CRYGS: variants seen among roughly 807,000 people sequenced by gnomAD.
CRYGS encodes crystallin gamma S, also known as gamma-crystallin S.
Under a neutral mutation model 21.3 loss-of-function variants are expected in CRYGS, and 13 were observed. The observed-to-expected ratio is 0.61, with a 90% CI of 0.40 to 0.97. The LOEUF (loss-of-function observed/expected upper bound fraction) is 0.97, where lower values mean the gene tolerates loss of function less well. Ranked by LOEUF, CRYGS falls within the 50% of genes least tolerant of loss-of-function variation. CRYGS has a pLI of 0.00. For synonymous variants in CRYGS, 67 were observed against 75.0 expected, an observed-to-expected ratio of 0.89 and a Z score of 0.55; for missense variants, 205 against 229.7, an observed-to-expected ratio of 0.89 and a Z score of 0.69.
chr3:186,539,239 A>C, intron 2 of CRYGS, 116 bp downstream of exon 2: 24 of 1,422,062 alleles, frequency 1.7e-5, no homozygotes, highest in Non-Finnish European at 2.3e-5. Context: ...CTCAGCAGCC[A>C]ACAAGCAGCT....
intron 1 of CRYGS, chr3:186,539,947 A>C: frequency 3.6e-6 from 1 of 279,546 alleles, no homozygotes; most frequent in Non-Finnish European, 7.0e-6. Flanking sequence ...CTCCCACCAG[A>C]ATCCTAGCAT....
intron 1 of CRYGS, chr3:186,540,717 T>G: frequency 2.1e-6 from 2 of 974,878 alleles, no homozygotes; most frequent in Non-Finnish European, 2.4e-6. Context: ...CTTTATGGAT[T>G]TCACGGGCGA....
chr3:186,538,884 A>C lies in CRYGS; in HGVS notation c.349T>G (p.Ser117Ala), dbSNP rs768626879. 2.5e-6 allele frequency: 4 copies of C among 1,614,016 alleles called. No individual in the cohort carries two copies. Among genetic ancestry groups the C allele is most frequent in the Non-Finnish European group, 3.4e-6 (4 of 1,180,026 alleles). Reference sequence around the variant, plus strand: ...CGCATGTGAAATTGCTCCATGATGGAAGGGCAATCTTCGGTGGTTTCATAC... The same window carrying C: ...CGCATGTGAAATTGCTCCATGATGGCAGGGCAATCTTCGGTGGTTTCATAC... Reference protein sequence around the residue: ...QMYETTEDCPSIMEQFHMREI... With the variant: ...QMYETTEDCPAIMEQFHMREI... Residue 117 changes from serine (S) to alanine (A), a missense_variant, in exon 3 of 3, where the codon TCC becomes GCC. Ser to Ala is a moderately conservative substitution (Grantham distance 99). Transcript: ENST00000307944.
At chr3:186,539,085 TCCCATCTCA>T (rs1713995237) in intron 2 of CRYGS, 117 bp from the exon 3 acceptor site, 1 of 1,269,146 alleles carries the variant, frequency 7.9e-7, no homozygotes, top group African/African-American at 1.5e-5. Flanking sequence ...TGATCTGAAC[TCCCATCTCA>T]CCATGTACTG....
intron 1 of CRYGS, among the ~76,000 whole-genome samples, chr3:186,542,456 A>C (rs1714090955): frequency 6.6e-6 from 1 of 152,228 alleles, no homozygotes; most frequent in Non-Finnish European, 1.5e-5. Flanking sequence ...GTTTTCCTAG[A>C]AATTATTACA....
chr3:186,538,713 G>T lies in CRYGS; in HGVS notation c.520C>A (p.Arg174Ser), dbSNP rs769507700. ...TCATGTCATTACTCCACAATGCGGC[G>T]GAAAGACTGGACAGCTGGGGAGGCT... ...GAASPAVQSF[R>S]RIVE is the part of the protein sequence containing the mutation. The change falls in exon 3 of 3, where the codon CGC becomes AGC. Residue 174 changes from arginine to serine, a missense_variant. Transcript: ENST00000307944. 2.5e-6 allele frequency: 4 copies of T among 1,614,050 alleles called. No homozygotes were observed. The highest frequency in any genetic ancestry group is 2.7e-5 in the African/African-American group (2 of 74,910).
At chr3:186,542,303 A>G (rs1193125378) in intron 1 of CRYGS, among the ~76,000 whole-genome samples, 1 of 152,204 alleles carries the variant, frequency 6.6e-6, no homozygotes, top group Non-Finnish European at 1.5e-5. Flanking sequence ...GACCTTCTAT[A>G]TCTCAGAGCC....
At position 186,539,533 on chromosome 3, in the gene CRYGS, T is replaced by C. The variant is rs2108743607; in HGVS notation, c.86A>G (p.Asp29Gly). 1 of 1,614,078 alleles carries C rather than the reference T, an allele frequency of 6.2e-7. No individual in the cohort carries two copies. Among genetic ancestry groups the C allele is most frequent in the Non-Finnish European group, 8.5e-7 (1 of 1,180,028 alleles). Residue 29 changes from aspartate (D) to glycine (G), a missense_variant, in exon 2 of 3, where the codon GAT (aspartate) becomes GGT (glycine). Coordinates refer to ENST00000307944, the MANE Select transcript of CRYGS (RefSeq NM_017541.4). ...RRYDCDCDCA[D>G]FHTYLSRCNS... ...GCAGCGACTTAGGTATGTGTGGAAA[T>C]CTGCACAGTCGCAATCACAGTCATA...
At chr3:186,542,072 C>T (rs1714082707) in intron 1 of CRYGS, among the ~76,000 whole-genome samples, 2 of 152,264 alleles carry the variant, frequency 1.3e-5, no homozygotes, top group Admixed American at 1.3e-4. Context: ...ATAATACCAT[C>T]TATTTCACTT....
chr3:186,538,595 G>C lies in CRYGS; in HGVS notation c.*101C>G, dbSNP rs1713980682. The C allele has an allele frequency of 3.3e-5, 48 of 1,442,040 alleles. 2 individuals are homozygous for C. In the South Asian group the frequency reaches 5.5e-4, roughly 16 times the overall value. The allele number at this position is 1,442,040 out of a possible 1,614,324, so 89.3% of individuals were successfully genotyped here. ...CATTTAAGGAGAGGCATTATAGTCA[G>C]CAGTGGGATGCATGCCAACTGTTTT... On this transcript the variant is annotated 3_prime_UTR_variant, in exon 3 of 3. Coordinates refer to ENST00000307944, the MANE Select transcript of CRYGS (RefSeq NM_017541.4).
chr3:186,539,061 C>T, intron 2 of CRYGS, 93 bp from the exon 3 acceptor site: 1 of 1,425,766 alleles, frequency 7.0e-7, no homozygotes, highest in Admixed American at 1.8e-5. Flanking sequence ...GAACTTATCA[C>T]CTTGAAAGCT....
intron 1 of CRYGS, among the ~76,000 whole-genome samples, 197 bp downstream of exon 1, chr3:186,544,109 A>G (rs1293805007): frequency 6.6e-6 from 1 of 152,192 alleles, no homozygotes; most frequent in Non-Finnish European, 1.5e-5. Flanking sequence ...ATACATAAAG[A>G]TAAACCCTTA....
In CRYGS at chr3:186,540,057, G is replaced by T. The variant is rs551349302; in HGVS notation, c.22-460C>A. 5 of 180,284 alleles carry T rather than the reference G, an allele frequency of 2.8e-5. No homozygotes were observed. The South Asian group carries it at 5.8e-4, about 21-fold the overall frequency. The allele number at this position is 180,284 out of a possible 1,614,324, so 11.2% of individuals were successfully genotyped here. ...TGTTTCATGAAGATGACTCCTAGGT[G>T]ATATGGAGGATACATAGAGAAAAAT... is the stretch of plus-strand genomic sequence containing the variant. On this transcript the variant is annotated intron_variant, in intron 1 of 2. Coordinates refer to ENST00000307944, the MANE Select transcript of CRYGS (RefSeq NM_017541.4).
Position 186,538,664 on chromosome 3 carries a change from G to T in CRYGS, c.*32C>A. 2 of 1,613,840 alleles carry T rather than the reference G, an allele frequency of 1.2e-6. No homozygotes were observed. Among genetic ancestry groups the T allele is most frequent in the East Asian group, 2.2e-5 (1 of 44,882 alleles). ...GACCACAAGGCCAGCCAGCATTTGGGCCCCAGGAAGAATATGGCCCCATTC... is the reference window on the plus strand; with the variant it reads ...GACCACAAGGCCAGCCAGCATTTGGTCCCCAGGAAGAATATGGCCCCATTC... On this transcript the variant is annotated 3_prime_UTR_variant, in exon 3 of 3. Transcript: ENST00000307944.
chr3:186,538,831 C>T lies in CRYGS; in HGVS notation c.402G>A (p.Glu134=). The change falls in exon 3 of 3, where the codon GAG becomes GAA. Residue 134 remains glutamate (E), a synonymous_variant. Coordinates refer to ENST00000307944, the MANE Select transcript of CRYGS (RefSeq NM_017541.4). ...GTAGCTCATAGAAAATCCAGACACC[C>T]TCCAGCACCTTACAGGAGTGGATCT... ...MREIHSCKVL[E]GVWIFYELPN... The T allele has an allele frequency of 6.2e-7, 1 of 1,614,130 alleles. No individual in the cohort carries two copies. Among genetic ancestry groups the T allele is most frequent in the Non-Finnish European group, 8.5e-7 (1 of 1,180,028 alleles).
intron 1 of CRYGS, among the ~76,000 whole-genome samples, 176 bp downstream of exon 1, chr3:186,544,130 C>T (rs935250376): frequency 6.6e-5 from 10 of 152,040 alleles, no homozygotes; most frequent in African/African-American, 2.4e-4. Flanking sequence ...ATAAAGTGTT[C>T]GGTAATTCTG....
chr3:186,542,187 C>T (rs538510900), intron 1 of CRYGS, among the ~76,000 whole-genome samples: 15 of 152,328 alleles, frequency 9.8e-5, no homozygotes, highest in Admixed American at 3.9e-4. Context: ...CTGATGTCCA[C>T]CCTCCCAGGA....
chr3:186,538,736 G>C lies in CRYGS; in HGVS notation c.497C>G (p.Ala166Gly). The C allele has an allele frequency of 6.2e-7, 1 of 1,614,154 alleles. No homozygotes were observed. The highest frequency in any genetic ancestry group is 2.2e-5 in the East Asian group (1 of 44,888). ...GCGGAAAGACTGGACAGCTGGGGAG[G>C]CTGCACCCCAATCGATGGGCTTCCG... ...EYRKPIDWGA[A>G]SPAVQSFRRI... The change falls in exon 3 of 3, where the codon GCC becomes GGC. Residue 166 changes from alanine to glycine, a missense_variant. Physicochemically the swap from Ala to Gly is moderately conservative, Grantham distance 60 (BLOSUM62 0). Transcript: ENST00000307944.
chr3:186,541,432 A>G (rs1560219139), intron 1 of CRYGS, among the ~76,000 whole-genome samples: 1 of 152,212 alleles, frequency 6.6e-6, no homozygotes, highest in East Asian at 1.9e-4. Flanking sequence ...TTAGCACAGT[A>G]CAGATTTAGA....
Sources: gnomAD v4.1 joint callset for allele counts (sites outside exome capture counted in the v4.1 genomes callset) on GRCh38, gnomAD v4.1.1 for gene constraint, MANE v1.5 for transcripts, NCBI Gene and HGNC (gene_info 2026-07-23, HGNC 2026-07-21) for gene names.